Variants in LRMDA observed in about 807,000 individuals in gnomAD.
The protein encoded by LRMDA is leucine-rich melanocyte differentiation-associated protein.
In LRMDA, 18 loss-of-function variants were observed where a neutral mutation model predicts 29.8. The observed-to-expected ratio is 0.60, with a 90% CI of 0.42 to 0.90. The LOEUF (loss-of-function observed/expected upper bound fraction) is 0.90, where lower values mean the gene tolerates loss of function less well. LRMDA is among the 40% of genes least tolerant of loss of function. The probability of loss-of-function intolerance (pLI) is 0.00; values close to 1 mark genes in which losing one functional copy is unlikely to be tolerated. For synonymous variants in LRMDA, 125 were observed against 109.4 expected (o/e 1.14, Z -0.89); for missense variants, 273 against 273.9 (o/e 1.00, Z 0.02).
chr10:76,161,735 G>A (rs149790322), intron 5 of LRMDA, among the ~76,000 whole-genome samples: 6 of 152,284 alleles, frequency 3.9e-5, no homozygotes, highest in African/African-American at 1.4e-4. Context: ...CTTTTAACAG[G>A]ACAGAGGAGG....
intron 6 of LRMDA, among the ~76,000 whole-genome samples, chr10:76,410,984 C>T (rs1841955207): frequency 6.6e-6 from 1 of 152,128 alleles, no homozygotes; most frequent in Non-Finnish European, 1.5e-5. Flanking sequence ...ATTCTGGCTG[C>T]CATCCACAGA....
chr10:75,878,052 C>T (rs778021882), intron 2 of LRMDA, among the ~76,000 whole-genome samples: 2 of 152,148 alleles, frequency 1.3e-5, no homozygotes, highest in African/African-American at 2.4e-5. Context: ...GACTCCGACC[C>T]CACAGCAGGG....
intron 2 of LRMDA, among the ~76,000 whole-genome samples, chr10:75,679,923 A>G (rs1842004254): frequency 6.6e-6 from 1 of 152,202 alleles, no homozygotes; most frequent in African/African-American, 2.4e-5. Flanking sequence ...AAAAACCCTT[A>G]AATTATCTTA....
chr10:75,613,666 G>C (rs1222629463), intron 2 of LRMDA, among the ~76,000 whole-genome samples: 1 of 152,130 alleles, frequency 6.6e-6, no homozygotes, highest in Non-Finnish European at 1.5e-5. Flanking sequence ...TATGCAAAAT[G>C]GGTCACCAAA....
intron 2 of LRMDA, among the ~76,000 whole-genome samples, chr10:75,877,381 C>T (rs529494193): frequency 5.9e-5 from 9 of 152,276 alleles, no homozygotes; most frequent in African/African-American, 2.2e-4. Context: ...ACTGAAATAC[C>T]AGAGCTGACA....
At chr10:75,556,997 T>C (rs1205591475) in intron 2 of LRMDA, among the ~76,000 whole-genome samples, 3 of 151,100 alleles carry the variant, frequency 2.0e-5, no homozygotes, top group Non-Finnish European at 4.4e-5. Flanking sequence ...GGAATAAAAC[T>C]GATTAGAAAC....
chr10:75,825,937 C>T (rs917287055), intron 2 of LRMDA, among the ~76,000 whole-genome samples: 3 of 152,170 alleles, frequency 2.0e-5, no homozygotes, highest in Admixed American at 6.5e-5. Context: ...GCATGTGGAA[C>T]GTCAAAGTCA....
At chr10:75,769,109 AG>A (rs1843205898) in intron 2 of LRMDA, among the ~76,000 whole-genome samples, 1 of 152,218 alleles carries the variant, frequency 6.6e-6, no homozygotes, top group Non-Finnish European at 1.5e-5. Flanking sequence ...TTGCAATCAG[AG>A]GTTTGCTTCA....
intron 2 of LRMDA, among the ~76,000 whole-genome samples, chr10:75,760,999 G>A (rs532565479): frequency 1.3e-5 from 2 of 152,280 alleles, no homozygotes; most frequent in South Asian, 4.1e-4. Flanking sequence ...TATTCAATGA[G>A]AATTCAATAA....
At chr10:76,539,121 T>A (rs1843324965) in intron 6 of LRMDA, among the ~76,000 whole-genome samples, 1 of 152,176 alleles carries the variant, frequency 6.6e-6, no homozygotes, top group Non-Finnish European at 1.5e-5. Flanking sequence ...ACTAGCCACT[T>A]CTTAGAAAAG....
chr10:76,413,514 T>C (rs1841984638), intron 6 of LRMDA, among the ~76,000 whole-genome samples: 2 of 152,054 alleles, frequency 1.3e-5, no homozygotes, highest in African/African-American at 4.8e-5. Flanking sequence ...CTCACTACCA[T>C]GAGAACAGTA....
intron 5 of LRMDA, among the ~76,000 whole-genome samples, chr10:76,222,491 G>T (rs1050632350): frequency 2.8e-4 from 41 of 148,776 alleles, no homozygotes; most frequent in Admixed American, 1.9e-3. Flanking sequence ...AAAGAAGACA[G>T]TTATGCAGCC....
intron 2 of LRMDA, among the ~76,000 whole-genome samples, chr10:75,925,058 A>G (rs751360629): frequency 6.6e-6 from 1 of 152,128 alleles, no homozygotes; most frequent in Non-Finnish European, 1.5e-5. Context: ...CTTTCTCCTC[A>G]TCGGAGTATG....
At chr10:76,184,967 G>A (rs1851121892) in intron 5 of LRMDA, among the ~76,000 whole-genome samples, 1 of 152,148 alleles carries the variant, frequency 6.6e-6, no homozygotes, top group African/African-American at 2.4e-5. Context: ...GCAGTAAAAT[G>A]GCAATGTATT....
chr10:76,509,506 TAA>T (rs1008353119), intron 6 of LRMDA, among the ~76,000 whole-genome samples: 24 of 152,344 alleles, frequency 1.6e-4, no homozygotes, highest in African/African-American at 5.8e-4. Context: ...GTGTACATGC[TAA>T]TACACAAATG....
At chr10:76,340,236 C>T (rs1841022723) in intron 6 of LRMDA, among the ~76,000 whole-genome samples, 1 of 151,878 alleles carries the variant, frequency 6.6e-6, no homozygotes, top group Admixed American at 6.6e-5. Context: ...GAGAGGGAGG[C>T]CAGGCATGGT....
At chr10:75,820,690 A>C (rs1168279589) in intron 2 of LRMDA, among the ~76,000 whole-genome samples, 1 of 152,220 alleles carries the variant, frequency 6.6e-6, no homozygotes, top group Non-Finnish European at 1.5e-5. Context: ...AATGAAATTA[A>C]GACCAAAAAA....
chr10:75,994,873 A>G (rs1315996141), intron 2 of LRMDA, among the ~76,000 whole-genome samples: 5 of 152,188 alleles, frequency 3.3e-5, no homozygotes, highest in Non-Finnish European at 5.9e-5. Flanking sequence ...ACAATAACCC[A>G]TAATTCTTCC....
intron 2 of LRMDA, among the ~76,000 whole-genome samples, chr10:75,974,989 A>G (rs977324432): frequency 1.3e-5 from 2 of 152,248 alleles, no homozygotes; most frequent in Non-Finnish European, 2.9e-5. Context: ...AGCGATGACC[A>G]CCAAGTATGT....
Sources: allele counts gnomAD v4.1 joint callset (sites outside exome capture counted in the v4.1 genomes callset), GRCh38; gene constraint gnomAD v4.1.1; transcripts MANE v1.5; gene names NCBI Gene and HGNC (gene_info 2026-07-23, HGNC 2026-07-21).